CHCHD3: variants seen among roughly 807,000 people sequenced by gnomAD.
CHCHD3 encodes coiled-coil-helix-coiled-coil-helix domain containing 3.
Under a neutral mutation model 38.2 loss-of-function variants are expected in CHCHD3, and 20 were observed. The observed-to-expected ratio is 0.52, with a 90% CI of 0.37 to 0.76. The LOEUF (loss-of-function observed/expected upper bound fraction) is 0.76, where lower values mean the gene tolerates loss of function less well. CHCHD3 is among the 30% of genes least tolerant of loss of function. The probability of loss-of-function intolerance (pLI) is 0.00; values close to 1 mark genes in which losing one functional copy is unlikely to be tolerated. For missense variants in CHCHD3, 245 were observed against 279.2 expected, an observed-to-expected ratio of 0.88 and a Z score of 0.87; for synonymous variants, 82 against 100.0, an observed-to-expected ratio of 0.82 and a Z score of 1.07.
At chr7:132,960,323 T>C (rs1811285853) in intron 4 of CHCHD3, among the ~76,000 whole-genome samples, 1 of 151,876 alleles carries the variant, frequency 6.6e-6, no homozygotes, top group South Asian at 2.1e-4. Context: ...AGAGAGCATA[T>C]GTACAGTTAG....
At chr7:132,926,143 C>T (rs1365969390) in intron 4 of CHCHD3, among the ~76,000 whole-genome samples, 1 of 152,190 alleles carries the variant, frequency 6.6e-6, no homozygotes, top group Non-Finnish European at 1.5e-5. Context: ...ATGTGGAACA[C>T]AGAGGCAAGT....
intron 4 of CHCHD3, among the ~76,000 whole-genome samples, chr7:132,913,850 C>T (rs912863615): frequency 6.6e-6 from 1 of 152,010 alleles, no homozygotes; most frequent in Non-Finnish European, 1.5e-5. Flanking sequence ...TGAGACAGCA[C>T]ACTGTTAGGC....
intron 2 of CHCHD3, among the ~76,000 whole-genome samples, chr7:133,027,619 T>C (rs1301609933): frequency 6.6e-6 from 1 of 152,190 alleles, no homozygotes; most frequent in Non-Finnish European, 1.5e-5. Context: ...TTTTCTCAAA[T>C]GGGTGTTTAG....
At chr7:133,002,995 G>A (rs1254271099) in intron 3 of CHCHD3, among the ~76,000 whole-genome samples, 1 of 152,214 alleles carries the variant, frequency 6.6e-6, no homozygotes, top group Non-Finnish European at 1.5e-5. Flanking sequence ...GTATTTGAAT[G>A]TCTAGGAGTT....
At chr7:133,028,022 C>T (rs1813394264) in intron 2 of CHCHD3, among the ~76,000 whole-genome samples, 1 of 152,122 alleles carries the variant, frequency 6.6e-6, no homozygotes, top group Non-Finnish European at 1.5e-5. Context: ...GATTTTCATA[C>T]TTTCATCTAC....
At chr7:132,973,230 A>G in intron 4 of CHCHD3, 2 of 985,414 alleles carry the variant, frequency 2.0e-6, no homozygotes, top group Non-Finnish European at 2.4e-6. Flanking sequence ...AGGCAAAGAG[A>G]AATGCCAACC....
chr7:133,046,040 T>C (rs183311798), intron 2 of CHCHD3, among the ~76,000 whole-genome samples: 4 of 152,346 alleles, frequency 2.6e-5, no homozygotes, highest in Admixed American at 2.6e-4. Context: ...TTTATAGCAG[T>C]GCAAGAACTA....
chr7:132,831,924 T>C (rs1807659344), intron 6 of CHCHD3, among the ~76,000 whole-genome samples: 1 of 152,182 alleles, frequency 6.6e-6, no homozygotes, highest in East Asian at 1.9e-4. Flanking sequence ...CATGTGTAAT[T>C]ATACAGAACA....
intron 6 of CHCHD3, among the ~76,000 whole-genome samples, chr7:132,838,151 C>T (rs566093671): frequency 3.4e-4 from 51 of 152,168 alleles, no homozygotes; most frequent in African/African-American, 1.1e-3. Flanking sequence ...AATACTATTA[C>T]CATTGCTTTC....
rs117650007 is a variant in CHCHD3, at chr7:132,815,975, C to G, written c.525-19398G>C. Among the ~76,000 whole-genome samples, 121 of 152,298 alleles carry G rather than the reference C, an allele frequency of 7.9e-4. 1 individual carries two copies. The highest frequency in any genetic ancestry group is 6.9e-3 in the East Asian group (36 of 5,188). On this transcript the variant is annotated intron_variant, in intron 6 of 7. Transcript: ENST00000262570. ...AATGAAATACTGCAGGGAGCCACCACGATCAATTGGAGTTGGTGCCTGAAA... is the reference window on the plus strand; with the variant it reads ...AATGAAATACTGCAGGGAGCCACCAGGATCAATTGGAGTTGGTGCCTGAAA...
chr7:132,889,005 T>C (rs1330659869), intron 4 of CHCHD3, among the ~76,000 whole-genome samples: 1 of 152,084 alleles, frequency 6.6e-6, no homozygotes, highest in Non-Finnish European at 1.5e-5. Context: ...TGTTTCTTAT[T>C]TCCTATAATG....
intron 4 of CHCHD3, among the ~76,000 whole-genome samples, chr7:132,905,961 T>C (rs969116817): frequency 6.6e-6 from 1 of 152,214 alleles, no homozygotes; most frequent in African/African-American, 2.4e-5. Flanking sequence ...TCAATTAGTA[T>C]GGTAAGAGAA....
intron 1 of CHCHD3, among the ~76,000 whole-genome samples, chr7:133,073,255 C>A (rs993865953): frequency 6.6e-6 from 1 of 152,084 alleles, no homozygotes; most frequent in Non-Finnish European, 1.5e-5. Context: ...ATCTCTTTTG[C>A]AGCTTCCCCT....
At position 132,785,583 on chromosome 7, in the gene CHCHD3, A is replaced by C. The variant is rs1339743878; in HGVS notation, c.*54T>G. 1.3e-6 allele frequency: 2 copies of C among 1,592,228 alleles called. No individual in the cohort carries two copies. Among genetic ancestry groups the C allele is most frequent in the Non-Finnish European group, 1.7e-6 (2 of 1,160,958 alleles). ...GGGTTGTTTTCTCACTAGGAAAAAAAATGTTCCATCTCTGGAATTAACGTT... is the reference window on the plus strand; with the variant it reads ...GGGTTGTTTTCTCACTAGGAAAAAACATGTTCCATCTCTGGAATTAACGTT... On this transcript the variant is annotated 3_prime_UTR_variant, in exon 8 of 8. Transcript: ENST00000262570.
chr7:132,939,014 C>T (rs1810699124), intron 4 of CHCHD3, among the ~76,000 whole-genome samples: 1 of 152,050 alleles, frequency 6.6e-6, no homozygotes, highest in Non-Finnish European at 1.5e-5. Flanking sequence ...AATGTACTGG[C>T]CCTTAATGAA....
intron 5 of CHCHD3, among the ~76,000 whole-genome samples, chr7:132,850,541 T>A (rs916439664): frequency 2.6e-5 from 4 of 151,944 alleles, no homozygotes; most frequent in Non-Finnish European, 5.9e-5. Context: ...AAAACCTTAG[T>A]TACATTACCT....
At chr7:132,836,904 T>G (rs916314905) in intron 6 of CHCHD3, among the ~76,000 whole-genome samples, 6 of 152,216 alleles carry the variant, frequency 3.9e-5, no homozygotes, top group Non-Finnish European at 8.8e-5. Flanking sequence ...CATGACTCAT[T>G]GCTCAATGAA....
chr7:132,888,092 A>G (rs1170376185), intron 4 of CHCHD3, among the ~76,000 whole-genome samples: 1 of 151,872 alleles, frequency 6.6e-6, no homozygotes, highest in East Asian at 1.9e-4. Flanking sequence ...AAGAAAAAAG[A>G]AAAAAAGCTA....
intron 4 of CHCHD3, chr7:132,974,085 T>G (rs571816932): frequency 7.5e-6 from 9 of 1,199,022 alleles, no homozygotes; most frequent in Non-Finnish European, 9.6e-6. Flanking sequence ...GGCAGAACAT[T>G]ATTCAGCCAT....
Sources: allele counts gnomAD v4.1 joint callset (sites outside exome capture counted in the v4.1 genomes callset), GRCh38; gene constraint gnomAD v4.1.1; transcripts MANE v1.5; gene names NCBI Gene and HGNC (gene_info 2026-07-23, HGNC 2026-07-21).